The following GABRB1 variants were observed in gnomAD, a reference collection of about 807,000 sequenced individuals.
GABRB1 encodes the protein gamma-aminobutyric acid receptor subunit beta-1.
GABRB1 carries 17 observed loss-of-function variants against 51.6 expected under a neutral mutation model. The observed-to-expected ratio is 0.33, with a 90% CI of 0.23 to 0.49. The LOEUF (loss-of-function observed/expected upper bound fraction) is 0.49. GABRB1 is among the 20% of genes least tolerant of loss of function. The pLI is 0.99. For missense variants in GABRB1, 410 were observed against 600.6 expected (o/e 0.68, Z 3.32); for synonymous variants, 247 against 218.9 (o/e 1.13, Z -1.14).
chr4:47,382,263 G>A (rs1034438701), intron 5 of GABRB1, among the ~76,000 whole-genome samples: 18 of 152,224 alleles, frequency 1.2e-4, no homozygotes, highest in Admixed American at 1.0e-3. Flanking sequence ...CTAGGCCACT[G>A]TACTGTTCTT....
At chr4:47,241,041 C>T (rs1721500170) in intron 4 of GABRB1, among the ~76,000 whole-genome samples, 1 of 152,036 alleles carries the variant, frequency 6.6e-6, no homozygotes, top group African/African-American at 2.4e-5. Flanking sequence ...ATCAGCATTC[C>T]TCATTTCCTT....
intron 8 of GABRB1, among the ~76,000 whole-genome samples, chr4:47,409,084 G>T (rs113070616): frequency 1.2e-4 from 19 of 152,312 alleles, no homozygotes; most frequent in Admixed American, 1.1e-3. Context: ...CCTTATGGGA[G>T]GGGGAGCATG....
At chr4:47,180,226 AG>A (rs1264092318) in intron 4 of GABRB1, among the ~76,000 whole-genome samples, 1 of 152,088 alleles carries the variant, frequency 6.6e-6, no homozygotes, top group Admixed American at 6.6e-5. Flanking sequence ...ACATAGTGGA[AG>A]AGAATCATTC....
At position 47,310,990 on chromosome 4, in the gene GABRB1, G is replaced by A. The variant is rs888445358; in HGVS notation, c.462-9137G>A. Among the ~76,000 whole-genome samples the A allele has an allele frequency of 4.1e-5, 6 of 147,512 alleles. No homozygotes were observed. The Admixed American group carries it at 4.1e-4, about 10-fold the overall frequency. The stretch of plus-strand genomic sequence containing the variant: ...GCAGGAGAATAGCTTGAACCTGGGA[G>A]GCAGAGGTTGCAGTGAGCCAAGATC... On this transcript the variant is annotated intron_variant, in intron 4 of 8. Transcript: ENST00000295454.
intron 3 of GABRB1, among the ~76,000 whole-genome samples, chr4:47,048,303 G>A (rs1726188665): frequency 6.6e-6 from 1 of 151,986 alleles, no homozygotes; most frequent in African/African-American, 2.4e-5. Context: ...GTGACCTTAC[G>A]GTGCACAATA....
chr4:47,137,656 C>A (rs1025819113), intron 3 of GABRB1, among the ~76,000 whole-genome samples: 21 of 152,030 alleles, frequency 1.4e-4, no homozygotes, highest in Non-Finnish European at 1.9e-4. Context: ...ATTCCAATTC[C>A]AAAAACATAG....
intron 5 of GABRB1, among the ~76,000 whole-genome samples, chr4:47,372,573 A>C (rs190699871): frequency 6.5e-4 from 98 of 151,766 alleles, no homozygotes; most frequent in Non-Finnish European, 1.2e-3. Context: ...CCCATCCACC[A>C]CTCCTCCTCA....
At chr4:47,103,064 T>C (rs1714791148) in intron 3 of GABRB1, among the ~76,000 whole-genome samples, 1 of 152,014 alleles carries the variant, frequency 6.6e-6, no homozygotes, top group South Asian at 2.1e-4. Context: ...AGGATGAGCA[T>C]ATTTGACTGA....
intron 4 of GABRB1, among the ~76,000 whole-genome samples, chr4:47,297,371 T>C (rs535020101): frequency 2.9e-5 from 3 of 102,002 alleles, no homozygotes; most frequent in Non-Finnish European, 6.2e-5. Context: ...GCAAGACTAA[T>C]AAAGAAGAAA....
rs149343640 is a variant in GABRB1 at position 47,154,569 on chromosome 4, C to T, written c.241-6680C>T. On this transcript the variant is annotated intron_variant, in intron 3 of 8. Transcript: ENST00000295454. ...AGGTTTCCTTGGCCTTTAATGTATG[C>T]AATTATTGGTAATGAGATTCTGATA... Among the ~76,000 whole-genome samples the T allele has an allele frequency of 4.6e-3, 702 of 152,056 alleles. 10 individuals carry two copies. Among genetic ancestry groups the T allele is most frequent in the African/African-American group, 0.016 (675 of 41,504 alleles).
At chr4:47,340,444 G>A (rs1725842993) in intron 5 of GABRB1, among the ~76,000 whole-genome samples, 1 of 152,070 alleles carries the variant, frequency 6.6e-6, no homozygotes, top group African/African-American at 2.4e-5. Flanking sequence ...CTTCGAGGGG[G>A]TAGGTTATAC....
chr4:47,318,894 A>G (rs1259723167), intron 4 of GABRB1, among the ~76,000 whole-genome samples: 1 of 152,106 alleles, frequency 6.6e-6, no homozygotes, highest in African/African-American at 2.4e-5. Context: ...TTTCTTTTTT[A>G]TCTTAATCTC....
At chr4:47,330,536 A>C (rs1298943128) in intron 5 of GABRB1, among the ~76,000 whole-genome samples, 1 of 152,212 alleles carries the variant, frequency 6.6e-6, no homozygotes, top group Non-Finnish European at 1.5e-5. Flanking sequence ...AATGAGCAGC[A>C]GTGTTCATTC....
rs576637672 is a variant in GABRB1 at position 47,258,344 on chromosome 4, A to G, written c.462-61783A>G. Among the ~76,000 whole-genome samples the G allele has an allele frequency of 1.3e-4, 20 of 152,302 alleles. No individual in the cohort carries two copies. The East Asian group carries it at 3.3e-3, about 25-fold the overall frequency. ...TACTCTTAGGAGTTTTCCCAACAAT[A>G]TAACAAACCACAAATCCCTGAGCTT... is the stretch of plus-strand genomic sequence containing the variant. On this transcript the variant is annotated intron_variant, in intron 4 of 8. Transcript: ENST00000295454.
At chr4:47,397,816 A>T (rs956978247) in intron 5 of GABRB1, among the ~76,000 whole-genome samples, 4 of 151,782 alleles carry the variant, frequency 2.6e-5, no homozygotes, top group African/African-American at 9.7e-5. Context: ...CAAGTGATCT[A>T]CCCATCTCGG....
rs760102653 is a variant in GABRB1 at position 47,032,496 on chromosome 4, C to G, written c.240+12C>G. On this transcript the variant is annotated intron_variant, in intron 3 of 8. Coordinates refer to ENST00000295454, the MANE Select transcript of GABRB1 (RefSeq NM_000812.4). ...CCGAAGTGAATATGGTGAGTGGCCT[C>G]CCGAGGGGCCCGGCGGTTCGGCTTA... The G allele has an allele frequency of 3.1e-6, 5 of 1,613,314 alleles. No homozygotes were observed. The highest frequency in any genetic ancestry group is 1.6e-4 in the Middle Eastern group (1 of 6,062).
At chr4:47,019,629 T>TC (rs1560498125) in intron 1 of GABRB1, among the ~76,000 whole-genome samples, 81 of 29,432 alleles carry the variant, frequency 2.8e-3, no homozygotes, top group Middle Eastern at 0.014. Flanking sequence ...TTCTCTCTCT[T>TC]TCTTTCTTTC....
intron 3 of GABRB1, among the ~76,000 whole-genome samples, chr4:47,111,147 AG>A (rs2109627049): frequency 6.6e-6 from 1 of 152,264 alleles, no homozygotes; most frequent in African/African-American, 2.4e-5. Flanking sequence ...AAGCCTTTTG[AG>A]GTAAAATTAG....
intron 5 of GABRB1, among the ~76,000 whole-genome samples, chr4:47,344,168 A>G (rs182214349): frequency 6.6e-6 from 1 of 152,304 alleles, no homozygotes; most frequent in Admixed American, 6.5e-5. Context: ...TGGATATGAT[A>G]TGTCAAAGAG....
Sources: allele counts gnomAD v4.1 joint callset (sites outside exome capture counted in the v4.1 genomes callset), GRCh38; gene constraint gnomAD v4.1.1; transcripts MANE v1.5; gene names NCBI Gene and HGNC (gene_info 2026-07-23, HGNC 2026-07-21).